Variants in ZNF730 observed in about 807,000 individuals in gnomAD.
The protein encoded by ZNF730 is zinc finger protein 730.
ZNF730 carries 12 observed loss-of-function variants against 12.6 expected under a neutral mutation model. The observed-to-expected ratio is 0.95, with a 90% confidence interval of 0.61 to 1.54. The LOEUF is 1.54. Among genes scored for constraint, ZNF730 ranks in the 40% most tolerant of loss-of-function variants. ZNF730 has a pLI of 0.00. For missense variants in ZNF730, 643 were observed against 583.5 expected, an observed-to-expected ratio of 1.10 and a Z score of -1.05; for synonymous variants, 194 against 195.8, an observed-to-expected ratio of 0.99 and a Z score of 0.08.
intron 2 of ZNF730, among the ~76,000 whole-genome samples, chr19:23,134,798 G>GA (rs1222757869): frequency 1.5e-5 from 2 of 136,942 alleles, no homozygotes; most frequent in East Asian, 2.1e-4. Flanking sequence ...GAAGAGTGGG[G>GA]AAAAAATTGA....
intron 3 of ZNF730, among the ~76,000 whole-genome samples, chr19:23,141,534 T>TTGTG (rs1970920131): frequency 6.6e-6 from 1 of 152,256 alleles, no homozygotes; most frequent in African/African-American, 2.4e-5. Context: ...GCCACTGCAC[T>TTGTG]CCACCTTGTA....
intron 1 of ZNF730, among the ~76,000 whole-genome samples, chr19:23,103,051 C>T (rs56227837): frequency 0.013 from 1,992 of 152,302 alleles, 50 homozygotes; most frequent in African/African-American, 0.045. Flanking sequence ...CACACATGGA[C>T]AGGGTCCACT....
intron 1 of ZNF730, among the ~76,000 whole-genome samples, chr19:23,106,957 A>G (rs951593889): frequency 6.6e-6 from 1 of 152,166 alleles, no homozygotes; most frequent in African/African-American, 2.4e-5. Flanking sequence ...ATATGTTGGC[A>G]TATACACACA....
chr19:23,076,525 G>A (rs1339932341), intron 1 of ZNF730, among the ~76,000 whole-genome samples: 2 of 152,088 alleles, frequency 1.3e-5, no homozygotes, highest in African/African-American at 2.4e-5. Flanking sequence ...AACCCAGGAT[G>A]CCCGTAGTGA....
chr19:23,102,513 T>C (rs1970346916), intron 1 of ZNF730, among the ~76,000 whole-genome samples: 1 of 151,978 alleles, frequency 6.6e-6, no homozygotes, highest in African/African-American at 2.4e-5. Context: ...TTTTTTATTT[T>C]TGGAGATGGA....
intron 1 of ZNF730, among the ~76,000 whole-genome samples, chr19:23,111,926 G>C (rs1024920955): frequency 6.6e-5 from 10 of 152,230 alleles, no homozygotes; most frequent in Admixed American, 5.9e-4. Context: ...TGTATCTTCT[G>C]CTACTGAAGT....
chr19:23,087,377 C>T (rs144662471), intron 1 of ZNF730, among the ~76,000 whole-genome samples: 8,185 of 151,934 alleles, frequency 0.054, 255 homozygotes, highest in Middle Eastern at 0.088. Context: ...CACTGCACTC[C>T]AGCCTGGGAG....
chr19:23,085,308 G>C (rs1379176785), intron 1 of ZNF730, among the ~76,000 whole-genome samples: 1 of 149,928 alleles, frequency 6.7e-6, no homozygotes, highest in African/African-American at 2.4e-5. Context: ...ACCCACCTTT[G>C]TTTGTTTTTT....
chr19:23,131,178 AATTAT>A (rs1467208150), intron 1 of ZNF730, among the ~76,000 whole-genome samples: 3 of 152,218 alleles, frequency 2.0e-5, no homozygotes, highest in Non-Finnish European at 4.4e-5. Flanking sequence ...AATTTCTGTA[AATTAT>A]ATTAAACTCT....
chr19:23,112,790 T>G (rs906418130), upstream of ZNF730, among the ~76,000 whole-genome samples: 1 of 152,088 alleles, frequency 6.6e-6, no homozygotes, highest in Non-Finnish European at 1.5e-5. Flanking sequence ...AATGGGACAT[T>G]TGTTGTCTCA....
At chr19:23,086,100 C>T (rs1415073685) in intron 1 of ZNF730, among the ~76,000 whole-genome samples, 1 of 152,108 alleles carries the variant, frequency 6.6e-6, no homozygotes, top group African/African-American at 2.4e-5. Context: ...GCCTTGGCCT[C>T]CCAAAGTGCT....
intron 3 of ZNF730, among the ~76,000 whole-genome samples, chr19:23,144,857 A>G (rs1019963252): frequency 6.6e-6 from 1 of 152,110 alleles, no homozygotes; most frequent in Admixed American, 6.6e-5. Context: ...TTTTGTCATA[A>G]GAGATAGAAA....
intron 1 of ZNF730, among the ~76,000 whole-genome samples, chr19:23,076,704 T>C (rs545635628): frequency 6.6e-6 from 1 of 152,248 alleles, no homozygotes; most frequent in East Asian, 1.9e-4. Context: ...AACATTAAGA[T>C]TTTTTTGGTC....
At chr19:23,130,473 CAT>C (rs1283153215) in intron 1 of ZNF730, among the ~76,000 whole-genome samples, 2 of 152,116 alleles carry the variant, frequency 1.3e-5, no homozygotes, top group Admixed American at 1.3e-4. Flanking sequence ...AATTATGCAT[CAT>C]ATGGTAGGTA....
chr19:23,122,955 A>G (rs1970618147), intron 1 of ZNF730, among the ~76,000 whole-genome samples: 1 of 152,214 alleles, frequency 6.6e-6, no homozygotes, highest in African/African-American at 2.4e-5. Flanking sequence ...TCACTACAAA[A>G]TTGTTACAGT....
In ZNF730 at chr19:23,145,617, T is replaced by C; in HGVS notation, c.573T>C (p.His191=). Residue 191 remains histidine (H), a synonymous_variant, in exon 4 of 4, where the codon CAT becomes CAC. Transcript: ENST00000597761. ...LFCILSHLAQ[H]KKIHTGEKSY... ...GCATTCTTTCACACTTAGCTCAACA[T>C]AAAAAAATTCATACTGGAGAGAAAT... is the stretch of plus-strand genomic sequence containing the variant. 1.3e-6 allele frequency: 2 copies of C among 1,546,652 alleles called. No individual in the cohort carries two copies. The highest frequency in any genetic ancestry group is 1.7e-6 in the Non-Finnish European group (2 of 1,147,942).
chr19:23,093,408 G>A (rs568485454), intron 1 of ZNF730, among the ~76,000 whole-genome samples: 1 of 152,294 alleles, frequency 6.6e-6, no homozygotes, highest in South Asian at 2.1e-4. Context: ...CTGAGGGCCC[G>A]GAAGGGGTTT....
At chr19:23,127,253 CTT>C (rs1028404577) in intron 1 of ZNF730, 1 of 655,822 alleles carries the variant, frequency 1.5e-6, no homozygotes, top group Non-Finnish European at 2.9e-6. Context: ...TCAAGTTTCT[CTT>C]TTTATTTTTC....
At chr19:23,116,989 C>A, upstream of ZNF730, 6 of 914,368 alleles carry the variant, frequency 6.6e-6, no homozygotes, top group Non-Finnish European at 7.4e-6. Context: ...AGGCCCGCAG[C>A]TGGAGCAGAC....
Sources: gnomAD v4.1 joint callset for allele counts (sites outside exome capture counted in the v4.1 genomes callset) on GRCh38, gnomAD v4.1.1 for gene constraint, MANE v1.5 for transcripts, NCBI Gene and HGNC (gene_info 2026-07-23, HGNC 2026-07-21) for gene names.